ENTREP2: variants seen among roughly 807,000 people sequenced by gnomAD.
The protein encoded by ENTREP2 is protein ENTREP2.
At chr15:29,422,415 T>C in the ENTREP2 span, among the ~76,000 whole-genome samples, 1 of 152,220 alleles carries the variant, frequency 6.6e-6, no homozygotes, top group African/African-American at 2.4e-5. Context: ...AGCAACACTA[T>C]GGCAGTGGAC....
At chr15:29,405,186 C>A in the ENTREP2 span, among the ~76,000 whole-genome samples, 1 of 152,070 alleles carries the variant, frequency 6.6e-6, no homozygotes, top group Non-Finnish European at 1.5e-5. Flanking sequence ...GTCAGGAGTT[C>A]GAGACCAGCC....
the ENTREP2 span, among the ~76,000 whole-genome samples, chr15:29,418,686 T>C: frequency 6.6e-6 from 1 of 152,188 alleles, no homozygotes; most frequent in Admixed American, 6.5e-5. Context: ...ATCAACTCTC[T>C]GAAAATGGCT....
At chr15:29,126,578 G>A in the ENTREP2 span, 1 of 1,122,068 alleles carries the variant, frequency 8.9e-7, no homozygotes, top group Admixed American at 2.3e-5. Flanking sequence ...TCCAGACCTA[G>A]ATGAACTCTG....
chr15:29,248,140 A>G, the ENTREP2 span, among the ~76,000 whole-genome samples: 1 of 152,352 alleles, frequency 6.6e-6, no homozygotes, highest in African/African-American at 2.4e-5. Flanking sequence ...GGGAAATACT[A>G]GAGTATTCAG....
At chr15:29,460,455 A>T in the ENTREP2 span, among the ~76,000 whole-genome samples, 1 of 152,124 alleles carries the variant, frequency 6.6e-6, no homozygotes, top group African/African-American at 2.4e-5. Flanking sequence ...AACATAGTGA[A>T]ACCCCATCAC....
At chr15:29,257,043 ATTATTTATTTAT>A in the ENTREP2 span, among the ~76,000 whole-genome samples, 1,476 of 141,226 alleles carry the variant, frequency 0.01, 13 homozygotes, top group Middle Eastern at 0.025. Flanking sequence ...TTATTTTTTT[ATTATTTATTTAT>A]TTATTTATTT....
At chr15:29,381,915 G>T in the ENTREP2 span, 2 of 1,273,628 alleles carry the variant, frequency 1.6e-6, no homozygotes, top group Non-Finnish European at 2.2e-6. Flanking sequence ...GTTTCAACCC[G>T]GAGAAGGACG....
At chr15:29,449,601 A>C in the ENTREP2 span, among the ~76,000 whole-genome samples, 1 of 152,266 alleles carries the variant, frequency 6.6e-6, no homozygotes, top group Admixed American at 6.5e-5. Context: ...TCTGAAGCAC[A>C]GAAGAATAAG....
the ENTREP2 span, among the ~76,000 whole-genome samples, chr15:29,627,473 G>A: frequency 4.0e-5 from 6 of 151,574 alleles, no homozygotes; most frequent in Non-Finnish European, 8.8e-5. Flanking sequence ...AACCTGAGAG[G>A]CGGAGGTTGC....
chr15:29,369,435 A>G, the ENTREP2 span, among the ~76,000 whole-genome samples: 1 of 152,158 alleles, frequency 6.6e-6, no homozygotes, highest in Admixed American at 6.5e-5. Context: ...GCAAGAAAAA[A>G]AAAAGTGTAA....
At chr15:29,625,482 G>A in the ENTREP2 span, among the ~76,000 whole-genome samples, 1 of 152,210 alleles carries the variant, frequency 6.6e-6, no homozygotes, top group African/African-American at 2.4e-5. Context: ...TGCAACCTCC[G>A]CCTCCCAGGC....
chr15:29,291,139 AC>A, the ENTREP2 span, among the ~76,000 whole-genome samples: 3 of 151,648 alleles, frequency 2.0e-5, no homozygotes, highest in African/African-American at 7.3e-5. Context: ...GGGTCTCATT[AC>A]CTCCCTTCCC....
At chr15:29,195,297 T>C in the ENTREP2 span, 2 of 985,242 alleles carry the variant, frequency 2.0e-6, no homozygotes, top group African/African-American at 1.7e-5. Flanking sequence ...TCTCTCTCTG[T>C]ACATCTTTGC....
the ENTREP2 span, among the ~76,000 whole-genome samples, chr15:29,402,265 TACACAC>T: frequency 5.8e-5 from 8 of 137,748 alleles, no homozygotes; most frequent in South Asian, 2.4e-4. Flanking sequence ...TATATATATA[TACACAC>T]ACATATATAT....
the ENTREP2 span, among the ~76,000 whole-genome samples, chr15:29,174,702 C>CAAAAAAAAA: frequency 3.7e-4 from 43 of 115,940 alleles, no homozygotes; most frequent in African/African-American, 1.5e-3. Flanking sequence ...CAAAACAAAA[C>CAAAAAAAAA]AAAACAACAA....
chr15:29,216,155 G>A, the ENTREP2 span, among the ~76,000 whole-genome samples: 22 of 152,268 alleles, frequency 1.4e-4, no homozygotes, highest in African/African-American at 5.3e-4. Flanking sequence ...TTGTAATGGT[G>A]GCTTGGCAGT....
the ENTREP2 span, among the ~76,000 whole-genome samples, chr15:29,333,454 G>C: frequency 6.6e-6 from 1 of 152,056 alleles, no homozygotes; most frequent in Non-Finnish European, 1.5e-5. Flanking sequence ...GCGCATCAGG[G>C]TGAGCACCTG....
chr15:29,225,917 C>T, the ENTREP2 span, among the ~76,000 whole-genome samples: 4 of 152,110 alleles, frequency 2.6e-5, no homozygotes, highest in South Asian at 2.1e-4. Context: ...CGTCTTTCCT[C>T]GGAGGACTTC....
chr15:29,144,555 C>A, the ENTREP2 span, among the ~76,000 whole-genome samples: 1 of 152,068 alleles, frequency 6.6e-6, no homozygotes, highest in South Asian at 2.1e-4. Flanking sequence ...ATAGAGGGAA[C>A]CTGTCTCTAC....
Sources: allele counts gnomAD v4.1 joint callset (sites outside exome capture counted in the v4.1 genomes callset), GRCh38; gene constraint gnomAD v4.1.1; transcripts MANE v1.5; gene names NCBI Gene and HGNC (gene_info 2026-07-23, HGNC 2026-07-21).